The following EPC1 variants were observed in gnomAD, a reference collection of about 807,000 sequenced individuals.
EPC1 encodes enhancer of polycomb 1, also known as enhancer of polycomb homolog 1.
EPC1 carries 12 observed loss-of-function variants against 98.4 expected under a neutral mutation model. That is an observed-to-expected ratio of 0.12 (90% CI 0.08 to 0.20). EPC1 has a LOEUF of 0.20. EPC1 is among the 10% of genes least tolerant of loss of function. EPC1 has a pLI of 1.00. For synonymous variants in EPC1, 357 were observed against 363.9 expected, an observed-to-expected ratio of 0.98 and a Z score of 0.21; for missense variants, 729 against 990.5, an observed-to-expected ratio of 0.74 and a Z score of 3.54.
chr10:32,270,014 A>T (rs546984415), intron 13 of EPC1, among the ~76,000 whole-genome samples: 1 of 152,318 alleles, frequency 6.6e-6, no homozygotes, highest in South Asian at 2.1e-4. Context: ...TACAAAAACC[A>T]GTTTACTTGT....
chr10:32,288,527 T>C (rs1338443615), intron 6 of EPC1, among the ~76,000 whole-genome samples: 1 of 151,952 alleles, frequency 6.6e-6, no homozygotes, highest in African/African-American at 2.4e-5. Flanking sequence ...TTTTTTGTAT[T>C]TTTAGTAGAG....
rs1292589547 is a variant in EPC1 at position 32,267,884 on chromosome 10, A to G, written c.*1179T>C. 1 of 152,214 alleles carries G rather than the reference A, an allele frequency of 6.6e-6. No homozygotes were observed. The highest frequency in any genetic ancestry group is 1.5e-5 in the Non-Finnish European group (1 of 68,036). The allele number at this position is 152,214 out of a possible 1,614,324, so 9.4% of individuals were successfully genotyped here. On this transcript the variant is annotated 3_prime_UTR_variant, in exon 14 of 14. Transcript: ENST00000319778. ...ATTCAGACTTCGGTACTGACAAAGC[A>G]CTAGTAGTAGTCTGTTAAGTACCAT... is the stretch of plus-strand genomic sequence containing the variant.
At position 32,293,018 on chromosome 10, in the gene EPC1, T is replaced by C. The variant is rs1362129060; in HGVS notation, c.636A>G (p.Arg212=). ...GAGTCTGCATTTTTTCAGTACGCCT[T>C]CTAAAAGCCACATAAGGATCATTTG... ...SSTNDPYVAF[R]RRTEKMQTRK... is the part of the protein sequence containing the mutation. The change falls in exon 4 of 14, where the codon AGA becomes AGG. Residue 212 remains arginine (R), a synonymous_variant. Transcript: ENST00000319778. The C allele has an allele frequency of 6.3e-7, 1 of 1,597,732 alleles. No individual in the cohort carries two copies. Among genetic ancestry groups the C allele is most frequent in the Non-Finnish European group, 8.5e-7 (1 of 1,172,026 alleles).
At chr10:32,371,590 T>C (rs1369887506) in intron 1 of EPC1, among the ~76,000 whole-genome samples, 1 of 152,222 alleles carries the variant, frequency 6.6e-6, no homozygotes, top group Non-Finnish European at 1.5e-5. Context: ...GTGATATTAA[T>C]GCTAAAGCAT....
intron 10 of EPC1, chr10:32,282,384 G>A (rs1836453632): frequency 1.3e-5 from 2 of 152,310 alleles, no homozygotes; most frequent in South Asian, 2.1e-4. Context: ...GCCAGTCATG[G>A]TGGCATACGC....
In EPC1 at chr10:32,345,081, G is replaced by T. The variant is rs769382811; in HGVS notation, c.153+1682C>A. 1,018 of 905,960 alleles carry T rather than the reference G, an allele frequency of 1.1e-3. 2 individuals carry two copies. The highest frequency in any genetic ancestry group is 1.3e-3 in the Non-Finnish European group (959 of 757,658). The allele number at this position is 905,960 out of a possible 1,614,324, so 56.1% of individuals were successfully genotyped here. ...TTGAAAGTATTATCTGTAAAACTTA[G>T]AAATAAAAATAAAACCAAAAGACAA... On this transcript the variant is annotated intron_variant, in intron 1 of 13. Transcript: ENST00000319778.
chr10:32,303,304 TAAAC>T (rs1318005337), intron 2 of EPC1, among the ~76,000 whole-genome samples: 1 of 152,038 alleles, frequency 6.6e-6, no homozygotes, highest in South Asian at 2.1e-4. Flanking sequence ...TTTGTCTCAA[TAAAC>T]AAACAAACAA....
Position 32,268,004 on chromosome 10 carries a change from A to T in EPC1, c.*1059T>A, listed in dbSNP as rs567559296. 6.6e-6 allele frequency: 1 copy of T among 152,342 alleles called. No homozygotes were observed. The highest frequency in any genetic ancestry group is 1.5e-5 in the Non-Finnish European group (1 of 68,034). 9.4% of individuals were successfully genotyped at this position (152,342 alleles called of 1,614,324 possible). ...GCCTTCTGGAGAATCTTAAAAGGAA[A>T]AAAGCTGGCTGGCTGTTTTTAGAAA... On this transcript the variant is annotated 3_prime_UTR_variant, in exon 14 of 14. Coordinates refer to ENST00000319778, the MANE Select transcript of EPC1 (RefSeq NM_001272004.3).
At chr10:32,366,486 A>G (rs3123643) in intron 1 of EPC1, among the ~76,000 whole-genome samples, 90,592 of 152,054 alleles carry the variant, frequency 0.6, 27,380 homozygotes, top group East Asian at 0.69. Flanking sequence ...TTTATTTTCA[A>G]TTATGATATT....
chr10:32,331,613 A>G (rs1188871437), intron 1 of EPC1, among the ~76,000 whole-genome samples: 1 of 152,126 alleles, frequency 6.6e-6, no homozygotes, highest in Non-Finnish European at 1.5e-5. Context: ...GATAACATAT[A>G]AACTATCCAA....
chr10:32,343,454 A>T (rs1031117341), intron 1 of EPC1, among the ~76,000 whole-genome samples: 1 of 151,882 alleles, frequency 6.6e-6, no homozygotes, highest in Non-Finnish European at 1.5e-5. Context: ...CAGGTGATCC[A>T]CCCGCCTCGG....
At chr10:32,365,260 A>AGATAACAAG (rs1839566163) in intron 1 of EPC1, among the ~76,000 whole-genome samples, 1 of 152,214 alleles carries the variant, frequency 6.6e-6, no homozygotes, top group Non-Finnish European at 1.5e-5. Context: ...CACTAAAACT[A>AGATAACAAG]GATAACAAGG....
intron 1 of EPC1, among the ~76,000 whole-genome samples, chr10:32,364,415 A>C (rs1839539223): frequency 6.6e-6 from 1 of 152,162 alleles, no homozygotes; most frequent in South Asian, 2.1e-4. Flanking sequence ...TAGAGTCATC[A>C]ATGAATTAAA....
At chr10:32,290,515 AAG>A (rs1836950529) in intron 6 of EPC1, among the ~76,000 whole-genome samples, 1 of 148,842 alleles carries the variant, frequency 6.7e-6, no homozygotes, top group African/African-American at 2.5e-5. Flanking sequence ...AAAAGAAAGA[AAG>A]AAAAACTCAT....
chr10:32,290,782 C>A (rs1431177987), intron 6 of EPC1, among the ~76,000 whole-genome samples: 2 of 145,210 alleles, frequency 1.4e-5, no homozygotes, highest in Non-Finnish European at 3.0e-5. Context: ...CTTTTTTTAT[C>A]TTTTTTTTTT....
chr10:32,307,352 G>A (rs771862632), intron 1 of EPC1, among the ~76,000 whole-genome samples: 1 of 152,156 alleles, frequency 6.6e-6, no homozygotes, highest in East Asian at 1.9e-4. Flanking sequence ...TGCTCAAAGG[G>A]TATATCTAAG....
At chr10:32,374,051 C>T (rs535655321) in intron 1 of EPC1, among the ~76,000 whole-genome samples, 1 of 152,192 alleles carries the variant, frequency 6.6e-6, no homozygotes, top group South Asian at 2.1e-4. Context: ...ATAAATAGTT[C>T]CTTCTCCTCC....
intron 1 of EPC1, among the ~76,000 whole-genome samples, chr10:32,344,822 C>T (rs932890621): frequency 6.6e-6 from 1 of 151,966 alleles, no homozygotes. Flanking sequence ...ATTATTTCAG[C>T]GAATAAAAAT....
At chr10:32,321,856 AG>A (rs1836945018) in intron 1 of EPC1, among the ~76,000 whole-genome samples, 1 of 151,626 alleles carries the variant, frequency 6.6e-6, no homozygotes, top group Non-Finnish European at 1.5e-5. Context: ...GTTGGTACTC[AG>A]GGGAAGATTC....
Sources: allele counts gnomAD v4.1 joint callset (sites outside exome capture counted in the v4.1 genomes callset), GRCh38; gene constraint gnomAD v4.1.1; transcripts MANE v1.5; gene names NCBI Gene and HGNC (gene_info 2026-07-23, HGNC 2026-07-21).